CNTNAP5: variants seen among roughly 807,000 people sequenced by gnomAD.
CNTNAP5 encodes the protein contactin-associated protein-like 5.
A neutral mutation model predicts 150.2 loss-of-function variants in CNTNAP5; 72 were observed. The observed-to-expected ratio is 0.48, with a 90% CI of 0.40 to 0.58. The LOEUF is 0.58. Among genes scored for constraint, CNTNAP5 ranks in the 20% least tolerant of loss-of-function variants. The pLI is 0.00. For missense variants in CNTNAP5, 1,636 were observed against 1,626.2 expected (o/e 1.01, Z -0.10); for synonymous variants, 672 against 619.8 (o/e 1.08, Z -1.25).
At chr2:124,085,473 TC>T (rs1193942065) in intron 1 of CNTNAP5, among the ~76,000 whole-genome samples, 1 of 151,732 alleles carries the variant, frequency 6.6e-6, no homozygotes, top group Non-Finnish European at 1.5e-5. Flanking sequence ...TGATTTTTTT[TC>T]AAAGAAGTAG....
At chr2:124,803,265 GGGTGATGCTTGAGTT>G (rs1208229218) in intron 19 of CNTNAP5, among the ~76,000 whole-genome samples, 2 of 152,152 alleles carry the variant, frequency 1.3e-5, no homozygotes, top group African/African-American at 4.8e-5. Flanking sequence ...TTCCTAGAGA[GGGTGATGCTTGAGTT>G]GGTCATGAAA....
intron 19 of CNTNAP5, among the ~76,000 whole-genome samples, chr2:124,844,545 T>C (rs1683007553): frequency 6.6e-6 from 1 of 151,684 alleles, no homozygotes; most frequent in Non-Finnish European, 1.5e-5. Context: ...ATAATGATGG[T>C]GGTGTTTTGA....
chr2:124,733,501 G>C (rs1331965212), intron 13 of CNTNAP5, among the ~76,000 whole-genome samples: 1 of 151,978 alleles, frequency 6.6e-6, no homozygotes, highest in Non-Finnish European at 1.5e-5. Context: ...ATTCCTGCAG[G>C]AAAGAATTAT....
At chr2:124,078,248 G>C (rs911000041) in intron 1 of CNTNAP5, among the ~76,000 whole-genome samples, 6 of 152,096 alleles carry the variant, frequency 3.9e-5, no homozygotes, top group African/African-American at 1.4e-4. Context: ...TTGAATAGAA[G>C]ACTGTTATTT....
chr2:124,660,076 A>T (rs554173505), intron 13 of CNTNAP5, among the ~76,000 whole-genome samples: 1 of 148,194 alleles, frequency 6.7e-6, no homozygotes, highest in Non-Finnish European at 1.5e-5. Flanking sequence ...GGAAGGAAGG[A>T]AGGAAGGGAG....
intron 10 of CNTNAP5, among the ~76,000 whole-genome samples, chr2:124,552,285 G>C (rs1053510606): frequency 6.6e-6 from 1 of 152,180 alleles, no homozygotes; most frequent in Admixed American, 6.5e-5. Context: ...AACTCGCTGA[G>C]TCTCAGGAGC....
chr2:124,392,912 G>T (rs966564809), intron 3 of CNTNAP5, among the ~76,000 whole-genome samples: 3 of 152,116 alleles, frequency 2.0e-5, no homozygotes, highest in African/African-American at 7.2e-5. Flanking sequence ...ATATATTCAG[G>T]CATGTACAGA....
chr2:124,545,540 A>C (rs1324560739), intron 10 of CNTNAP5, among the ~76,000 whole-genome samples: 1 of 152,122 alleles, frequency 6.6e-6, no homozygotes, highest in Non-Finnish European at 1.5e-5. Flanking sequence ...TTTAACATAT[A>C]TTTATTAATT....
chr2:124,544,119 AG>A (rs1695455519), intron 10 of CNTNAP5, among the ~76,000 whole-genome samples: 1 of 152,166 alleles, frequency 6.6e-6, no homozygotes, highest in Admixed American at 6.5e-5. Flanking sequence ...CAAAAAACTT[AG>A]AAGTTAAAAA....
chr2:124,219,064 A>ATT (rs1686237063), intron 1 of CNTNAP5, among the ~76,000 whole-genome samples: 1 of 152,132 alleles, frequency 6.6e-6, no homozygotes, highest in Non-Finnish European at 1.5e-5. Flanking sequence ...CATTTTAACA[A>ATT]TTTATATATG....
Position 124,588,112 on chromosome 2 carries a change from C to CTTCCT in CNTNAP5, c.1757-21688_1757-21687insTCCTT, listed in dbSNP as rs1558965892. ...TTTCTTTCTTTTCTTCCTTCCTTCCCTCCTTTTCCTTCCTTCCTTTTCCTT... is the reference window on the plus strand; with the variant it reads ...TTTCTTTCTTTTCTTCCTTCCTTCCCTTCCTTCCTTTTCCTTCCTTCCTTTTCCTT... On this transcript the variant is annotated intron_variant, in intron 11 of 23. Transcript: ENST00000682447. 6.9e-4 allele frequency among the ~76,000 whole-genome samples: 93 copies of CTTCCT among 135,556 alleles called. 3 individuals are homozygous for CTTCCT. Among genetic ancestry groups the CTTCCT allele is most frequent in the African/African-American group, 2.6e-3 (92 of 35,376 alleles). 88.9% of individuals were successfully genotyped at this position (135,556 alleles called of 152,430 possible). A position where few individuals can be genotyped will look rare whatever the true frequency, so the allele number is the denominator to read the frequency against.
At chr2:124,427,860 C>T (rs1338368402) in intron 4 of CNTNAP5, among the ~76,000 whole-genome samples, 1 of 152,170 alleles carries the variant, frequency 6.6e-6, no homozygotes, top group East Asian at 1.9e-4. Flanking sequence ...TACACTTGAG[C>T]ACAGAGCTCC....
rs976561494 is a variant in CNTNAP5 at position 124,919,424 on chromosome 2, A to T, written c.*5136A>T. On this transcript the variant is annotated 3_prime_UTR_variant, in exon 24 of 24. Transcript: ENST00000682447. ...TCTTATGTAATGTTTATAGTCTACA[A>T]AATGGCTGAGCAGACATGAACAAAG... is the stretch of plus-strand genomic sequence containing the variant. Among the ~76,000 whole-genome samples, 1 of 152,154 alleles carries T rather than the reference A, an allele frequency of 6.6e-6. No homozygotes were observed. The highest frequency in any genetic ancestry group is 1.5e-5 in the Non-Finnish European group (1 of 68,018).
At chr2:124,269,292 C>G (rs1346548525) in intron 3 of CNTNAP5, among the ~76,000 whole-genome samples, 1 of 152,092 alleles carries the variant, frequency 6.6e-6, no homozygotes, top group Non-Finnish European at 1.5e-5. Flanking sequence ...GAGTCACATC[C>G]CAGTGCAGAA....
At chr2:124,604,807 A>C (rs2104977974) in intron 11 of CNTNAP5, among the ~76,000 whole-genome samples, 1 of 152,294 alleles carries the variant, frequency 6.6e-6, no homozygotes, top group East Asian at 1.9e-4. Context: ...TATATCAATA[A>C]CAGTAGGTTA....
At chr2:124,617,991 G>T (rs1677525774) in intron 12 of CNTNAP5, among the ~76,000 whole-genome samples, 1 of 152,108 alleles carries the variant, frequency 6.6e-6, no homozygotes, top group Non-Finnish European at 1.5e-5. Context: ...AGCATCCCTA[G>T]AACCTGCATG....
chr2:124,601,125 T>C (rs989383994), intron 11 of CNTNAP5, among the ~76,000 whole-genome samples: 3 of 152,158 alleles, frequency 2.0e-5, no homozygotes, highest in African/African-American at 7.2e-5. Context: ...AGTTTTTCTT[T>C]TGGAGAAAAC....
At chr2:124,610,719 G>A (rs1193143158) in intron 12 of CNTNAP5, among the ~76,000 whole-genome samples, 1 of 152,032 alleles carries the variant, frequency 6.6e-6, no homozygotes, top group East Asian at 1.9e-4. Context: ...CCAGCACTTT[G>A]GGAGGCCTAG....
intron 13 of CNTNAP5, among the ~76,000 whole-genome samples, chr2:124,673,394 T>C (rs992709494): frequency 2.0e-5 from 3 of 152,074 alleles, no homozygotes; most frequent in Non-Finnish European, 2.9e-5. Context: ...GATAGGGCGG[T>C]AGTAACACCA....
Sources: gnomAD v4.1 joint callset for allele counts (sites outside exome capture counted in the v4.1 genomes callset) on GRCh38, gnomAD v4.1.1 for gene constraint, MANE v1.5 for transcripts, NCBI Gene and HGNC (gene_info 2026-07-23, HGNC 2026-07-21) for gene names.